The following GTF2IRD1 variants were observed in gnomAD, a reference collection of about 807,000 sequenced individuals.
GTF2IRD1 encodes the protein GTF2I repeat domain containing 1.
A neutral mutation model predicts 113.2 loss-of-function variants in GTF2IRD1; 26 were observed. That is an observed-to-expected ratio of 0.23 (90% CI 0.17 to 0.32). The LOEUF is 0.32. Among genes scored for constraint, GTF2IRD1 ranks in the 10% least tolerant of loss-of-function variants. The probability of loss-of-function intolerance (pLI) is 1.00; values close to 1 mark genes in which losing one functional copy is unlikely to be tolerated. For synonymous variants in GTF2IRD1, 484 were observed against 529.1 expected, an observed-to-expected ratio of 0.91 and a Z score of 1.17; for missense variants, 864 against 1,280.8, an observed-to-expected ratio of 0.67 and a Z score of 4.97.
In GTF2IRD1 at chr7:74,601,142, C is replaced by G; in HGVS notation, c.2728C>G (p.Pro910Ala). 1 of 1,610,446 alleles carries G rather than the reference C, an allele frequency of 6.2e-7. No individual in the cohort carries two copies. Among genetic ancestry groups the G allele is most frequent in the Non-Finnish European group, 8.5e-7 (1 of 1,178,226 alleles). ...SSSSSSSSSN[P>A]DSVASANQIS... is the part of the protein sequence containing the mutation. ...GTCTTCCTCTTCCTCGTCCTCTAACCCGGATTCAGTGGCATCGGCCAACCA... is the reference window on the plus strand; with the variant it reads ...GTCTTCCTCTTCCTCGTCCTCTAACGCGGATTCAGTGGCATCGGCCAACCA... Residue 910 changes from proline (P) to alanine (A), a missense_variant, in exon 26 of 27, where the codon CCG (proline) becomes GCG (alanine). Physicochemically the swap from Pro to Ala is conservative, Grantham distance 27. Transcript: ENST00000424337.
intron 2 of GTF2IRD1, among the ~76,000 whole-genome samples, chr7:74,510,021 C>T (rs572621836): frequency 9.9e-5 from 15 of 152,110 alleles, no homozygotes; most frequent in South Asian, 2.1e-4. Context: ...AAAGTCTCCC[C>T]GAAAAATAAA....
chr7:74,573,344 G>A (rs1422250261), intron 22 of GTF2IRD1, among the ~76,000 whole-genome samples: 1 of 151,680 alleles, frequency 6.6e-6, no homozygotes, highest in Non-Finnish European at 1.5e-5. Context: ...TGAGGCTGTG[G>A]TGAGCCGTGA....
chr7:74,564,748 A>AAG (rs111577999), intron 22 of GTF2IRD1, among the ~76,000 whole-genome samples: 228 of 151,250 alleles, frequency 1.5e-3, no homozygotes, highest in African/African-American at 5.3e-3. Flanking sequence ...GTCTCTAAAA[A>AAG]AGAGAGAGAG....
intron 22 of GTF2IRD1, among the ~76,000 whole-genome samples, chr7:74,579,273 A>G (rs1554365469): frequency 6.6e-6 from 1 of 152,130 alleles, no homozygotes; most frequent in African/African-American, 2.4e-5. Context: ...GCACTACTGC[A>G]TGGGTGACAA....
intron 9 of GTF2IRD1, among the ~76,000 whole-genome samples, chr7:74,530,544 C>G (rs1387109811): frequency 8.2e-6 from 1 of 122,024 alleles, no homozygotes; most frequent in Non-Finnish European, 1.6e-5. Flanking sequence ...CTATATTGCC[C>G]AGGCCTGCAT....
In GTF2IRD1 at chr7:74,556,588, T is replaced by C. The variant is rs1172973609; in HGVS notation, c.2024-1051T>C. Among the ~76,000 whole-genome samples the C allele has an allele frequency of 2.7e-5, 4 of 148,922 alleles. No individual in the cohort carries two copies. The East Asian group carries it at 6.2e-4, about 23-fold the overall frequency. On this transcript the variant is annotated intron_variant, in intron 19 of 26. Coordinates refer to ENST00000424337, the MANE Select transcript of GTF2IRD1 (RefSeq NM_005685.4). ...CTGCCCACCTCAGCCTCCCAAAGTG[T>C]TGGGATTACAGGCATGAACCACTGC...
chr7:74,599,141 GC>G (rs1277700716), intron 25 of GTF2IRD1, among the ~76,000 whole-genome samples: 8 of 152,108 alleles, frequency 5.3e-5, no homozygotes, highest in Non-Finnish European at 1.0e-4. Flanking sequence ...CAAAAAATTA[GC>G]CAGGCAGGGT....
At chr7:74,475,115 C>CA (rs1449535074) in intron 1 of GTF2IRD1, among the ~76,000 whole-genome samples, 2 of 152,086 alleles carry the variant, frequency 1.3e-5, no homozygotes, top group Non-Finnish European at 2.9e-5. Flanking sequence ...AGTAGCTGGA[C>CA]ACGATGGCAC....
chr7:74,501,737 G>A (rs1322897091), intron 1 of GTF2IRD1, among the ~76,000 whole-genome samples: 5 of 151,994 alleles, frequency 3.3e-5, no homozygotes, highest in African/African-American at 1.2e-4. Flanking sequence ...CTGCAACCTC[G>A]ACCTCCTGGG....
intron 8 of GTF2IRD1, among the ~76,000 whole-genome samples, chr7:74,529,425 A>G (rs782172073): frequency 3.3e-5 from 5 of 151,322 alleles, no homozygotes; most frequent in Non-Finnish European, 5.9e-5. Context: ...AGCTTTTTGT[A>G]TTTTACTTTC....
intron 22 of GTF2IRD1, among the ~76,000 whole-genome samples, chr7:74,575,071 CA>C (rs1195410849): frequency 6.0e-5 from 9 of 149,580 alleles, no homozygotes; most frequent in Admixed American, 4.1e-4. Context: ...GCTTGGGCAA[CA>C]AGAGCGAAAC....
At chr7:74,529,697 T>A (rs1554348205) in intron 8 of GTF2IRD1, 37 bp from the exon 9 acceptor site, 1 of 1,603,820 alleles carries the variant, frequency 6.2e-7, no homozygotes, top group Non-Finnish European at 8.5e-7. Flanking sequence ...CAGCAGCCTG[T>A]CTAACACTCA....
chr7:74,529,690 C>T, intron 8 of GTF2IRD1, 44 bp from the exon 9 acceptor site: 1 of 1,584,016 alleles, frequency 6.3e-7, no homozygotes, highest in Non-Finnish European at 8.6e-7. Context: ...GTGTGTCCAG[C>T]AGCCTGTCTA....
intron 26 of GTF2IRD1, chr7:74,601,450 C>T (rs1584002492): frequency 6.9e-7 from 1 of 1,451,096 alleles, no homozygotes; most frequent in East Asian, 2.5e-5. Context: ...CTGCCCACAC[C>T]CTTCAGCCGC....
chr7:74,536,160 C>A lies in GTF2IRD1; in HGVS notation c.1301-7C>A. The A allele has an allele frequency of 1.3e-6, 2 of 1,597,412 alleles. No homozygotes were observed. The highest frequency in any genetic ancestry group is 1.7e-6 in the Non-Finnish European group (2 of 1,164,844). Reference sequence around the variant, plus strand: ...CTTCACCCTGACCTCCCTGACTCTCCCCACAGGGAACAAGTTTACCAAAGA... The same window carrying A: ...CTTCACCCTGACCTCCCTGACTCTCACCACAGGGAACAAGTTTACCAAAGA... On this transcript the variant is annotated splice_polypyrimidine_tract_variant and splice_region_variant and intron_variant, in intron 10 of 26. Transcript: ENST00000424337.
chr7:74,579,522 G>T (rs1801284503), intron 22 of GTF2IRD1, among the ~76,000 whole-genome samples: 1 of 151,894 alleles, frequency 6.6e-6, no homozygotes, highest in South Asian at 2.1e-4. Flanking sequence ...GGAGGCTAAG[G>T]CAGGAGAATT....
At chr7:74,558,347 CTTTTTTTTTTTTTTTTT>C (rs1193682168) in intron 20 of GTF2IRD1, among the ~76,000 whole-genome samples, 2 of 60,446 alleles carry the variant, frequency 3.3e-5, no homozygotes, top group South Asian at 6.7e-4. Flanking sequence ...TCTTTCGTTT[CTTTTTTTTTTTTTTTTT>C]TTTTTTTTTT....
At chr7:74,600,911 A>G in intron 25 of GTF2IRD1, 133 bp from the exon 26 acceptor site, 1 of 927,382 alleles carries the variant, frequency 1.1e-6, no homozygotes, top group Non-Finnish European at 1.7e-6. Flanking sequence ...CCTGACCCCC[A>G]GGGGATCAGG....
intron 24 of GTF2IRD1, among the ~76,000 whole-genome samples, chr7:74,591,374 CTTTTTTTT>C (rs782483943): frequency 8.5e-6 from 1 of 118,060 alleles, no homozygotes; most frequent in Admixed American, 8.9e-5. Flanking sequence ...CAGTGATTCT[CTTTTTTTT>C]TTTTTTTTTT....
Sources: gnomAD v4.1 joint callset for allele counts (sites outside exome capture counted in the v4.1 genomes callset) on GRCh38, gnomAD v4.1.1 for gene constraint, MANE v1.5 for transcripts, NCBI Gene and HGNC (gene_info 2026-07-23, HGNC 2026-07-21) for gene names.